Variants in IRAK1BP1 observed in about 807,000 individuals in gnomAD.
IRAK1BP1 encodes interleukin 1 receptor associated kinase 1 binding protein 1, also known as interleukin-1 receptor-associated kinase 1-binding protein 1.
Under a neutral mutation model 28.0 loss-of-function variants are expected in IRAK1BP1, and 24 were observed. The observed-to-expected ratio is 0.86, with a 90% CI of 0.62 to 1.20. IRAK1BP1 has a LOEUF of 1.20. Among genes scored for constraint, IRAK1BP1 ranks in the 50% most tolerant of loss-of-function variants. IRAK1BP1 has a pLI of 0.00. For missense variants in IRAK1BP1, 336 were observed against 316.7 expected (o/e 1.06, Z -0.46); for synonymous variants, 131 against 116.3 (o/e 1.13, Z -0.81).
the IRAK1BP1 span, chr6:78,965,791 A>G: frequency 7.5e-7 from 1 of 1,333,514 alleles, no homozygotes; most frequent in Non-Finnish European, 1.1e-6. Flanking sequence ...TCATTATATT[A>G]AAAAATCTAA....
chr6:78,896,842 A>G (rs1423886408), intron 2 of IRAK1BP1, among the ~76,000 whole-genome samples: 1 of 151,112 alleles, frequency 6.6e-6, no homozygotes, highest in Non-Finnish European at 1.5e-5. Context: ...AAAAAAAATT[A>G]TGATTAAAGA....
chr6:78,874,846 G>T (rs929741742), intron 1 of IRAK1BP1, among the ~76,000 whole-genome samples: 8 of 152,024 alleles, frequency 5.3e-5, no homozygotes, highest in African/African-American at 9.7e-5. Flanking sequence ...AAGAATTTTT[G>T]ATGAAGACCC....
chr6:78,921,180 G>A (rs1201618066), intron 4 of IRAK1BP1, among the ~76,000 whole-genome samples: 1 of 152,194 alleles, frequency 6.6e-6, no homozygotes, highest in African/African-American at 2.4e-5. Flanking sequence ...CCTAGCCAAG[G>A]AAAGGGGTGA....
chr6:78,979,258 C>T, the IRAK1BP1 span, among the ~76,000 whole-genome samples: 1 of 151,968 alleles, frequency 6.6e-6, no homozygotes, highest in Admixed American at 6.6e-5. Context: ...TCACTGTCTA[C>T]AAAGAGAACT....
the IRAK1BP1 span, chr6:78,978,583 T>C: frequency 5.1e-6 from 8 of 1,568,996 alleles, no homozygotes; most frequent in African/African-American, 1.3e-5. Context: ...TTTAAAACTT[T>C]TAAAGTACCT....
At chr6:78,932,421 C>CTTTTTTT (rs386407659) in intron 4 of IRAK1BP1, among the ~76,000 whole-genome samples, 19 of 123,692 alleles carry the variant, frequency 1.5e-4, no homozygotes, top group East Asian at 2.4e-4. Flanking sequence ...CTTTCTTTTT[C>CTTTTTTT]TTTTTTTTTT....
intron 4 of IRAK1BP1, chr6:78,936,838 CA>C (rs1773288126): frequency 6.6e-6 from 1 of 151,616 alleles, no homozygotes; most frequent in African/African-American, 2.4e-5. Context: ...GTATAATTAA[CA>C]AAAATAGTTT....
intron 4 of IRAK1BP1, among the ~76,000 whole-genome samples, chr6:78,923,523 A>T (rs1319496824): frequency 1.3e-5 from 2 of 152,194 alleles, no homozygotes; most frequent in African/African-American, 2.4e-5. Flanking sequence ...ACAGAAAGTT[A>T]ACATGGATAT....
At chr6:78,897,789 C>A in intron 2 of IRAK1BP1, 40 bp from the exon 3 acceptor site, 1 of 1,581,672 alleles carries the variant, frequency 6.3e-7, no homozygotes, top group Non-Finnish European at 8.6e-7. Context: ...TGAAACAGTA[C>A]ATCAGACATG....
intron 4 of IRAK1BP1, among the ~76,000 whole-genome samples, chr6:78,910,365 G>A (rs958955758): frequency 3.9e-5 from 6 of 152,150 alleles, no homozygotes; most frequent in Non-Finnish European, 7.3e-5. Flanking sequence ...CATAGTCCAG[G>A]ATATTTTGGA....
intron 4 of IRAK1BP1, among the ~76,000 whole-genome samples, chr6:78,933,189 C>T (rs1773118617): frequency 6.6e-6 from 1 of 152,136 alleles, no homozygotes; most frequent in African/African-American, 2.4e-5. Flanking sequence ...GTCCTTCTAC[C>T]AATATAAGGA....
At chr6:78,921,452 G>A (rs1253775072) in intron 4 of IRAK1BP1, among the ~76,000 whole-genome samples, 1 of 152,194 alleles carries the variant, frequency 6.6e-6, no homozygotes, top group African/African-American at 2.4e-5. Flanking sequence ...GGAGCCCACG[G>A]CAGCTCAAGG....
intron 4 of IRAK1BP1, chr6:78,940,234 ATCTATCT>A (rs1773419462): frequency 1.3e-5 from 2 of 152,010 alleles, no homozygotes; most frequent in Admixed American, 6.6e-5. Context: ...TCTGTATAAC[ATCTATCT>A]TTTAGGGGCA....
intron 4 of IRAK1BP1, among the ~76,000 whole-genome samples, chr6:78,927,205 A>T (rs2127668685): frequency 6.6e-6 from 1 of 152,174 alleles, no homozygotes; most frequent in East Asian, 1.9e-4. Flanking sequence ...CCTCGCCAAC[A>T]TTTGTTATTG....
At chr6:78,869,874 C>T (rs533351120) in intron 1 of IRAK1BP1, among the ~76,000 whole-genome samples, 1 of 151,786 alleles carries the variant, frequency 6.6e-6, no homozygotes, top group African/African-American at 2.4e-5. Flanking sequence ...TTTGGGAGGC[C>T]GAGGAGGGCA....
At chr6:78,914,247 AAT>A (rs1772500577) in intron 4 of IRAK1BP1, among the ~76,000 whole-genome samples, 1 of 152,242 alleles carries the variant, frequency 6.6e-6, no homozygotes, top group Non-Finnish European at 1.5e-5. Context: ...AACTGACAAG[AAT>A]TATGAAAAGG....
In IRAK1BP1 at chr6:78,875,929, T is replaced by C. The variant is rs112690408; in HGVS notation, c.315+8038T>C. 5.8e-4 allele frequency among the ~76,000 whole-genome samples: 88 copies of C among 152,322 alleles called. 2 individuals are homozygous for C. Among genetic ancestry groups the C allele is most frequent in the African/African-American group, 2.1e-3 (86 of 41,574 alleles). ...TTCCCAGAAGATTTTAAAAGACTGTTTAAAGTTTTATGGTTTTCTTCTTGT... is the reference window on the plus strand; with the variant it reads ...TTCCCAGAAGATTTTAAAAGACTGTCTAAAGTTTTATGGTTTTCTTCTTGT... On this transcript the variant is annotated intron_variant, in intron 1 of 3. Transcript: ENST00000369940.
the IRAK1BP1 span, among the ~76,000 whole-genome samples, chr6:78,971,444 C>T: frequency 6.6e-6 from 1 of 152,154 alleles, no homozygotes; most frequent in Non-Finnish European, 1.5e-5. Context: ...TTTTAAAATG[C>T]TAAGTTTTTA....
rs1050132314 is a variant in IRAK1BP1 at position 78,867,832 on chromosome 6, A to G, written c.256A>G (p.Lys86Glu). The change falls in exon 1 of 4, where the codon AAG becomes GAG. Residue 86 changes from lysine to glutamate, a missense_variant. Physicochemically the swap from Lys to Glu is moderately conservative, Grantham distance 56. Coordinates refer to ENST00000369940, the MANE Select transcript of IRAK1BP1 (RefSeq NM_001010844.4). ...CAAGGAGGCGGCAGCCGAGGCCAAA[A>G]AGAGCGTTTGTCGCCGTCTAGATTA... ...STKEAAAEAK[K>E]SVCRRLDYIT... The G allele has an allele frequency of 1.3e-5, 21 of 1,611,802 alleles. No homozygotes were observed. Among genetic ancestry groups the G allele is most frequent in the Non-Finnish European group, 1.8e-5 (21 of 1,178,986 alleles).
Sources: allele counts gnomAD v4.1 joint callset (sites outside exome capture counted in the v4.1 genomes callset), GRCh38; gene constraint gnomAD v4.1.1; transcripts MANE v1.5; gene names NCBI Gene and HGNC (gene_info 2026-07-23, HGNC 2026-07-21).